Variants in RUBCNL observed in about 807,000 individuals in gnomAD.
The protein encoded by RUBCNL is protein associated with UVRAG as autophagy enhancer.
A neutral mutation model predicts 69.5 loss-of-function variants in RUBCNL; 62 were observed. The ratio of observed to expected loss-of-function variants is 0.89; its 90% confidence interval spans 0.73 to 1.10. RUBCNL has a LOEUF of 1.10. Ranked by LOEUF, RUBCNL falls within the 50% of genes least tolerant of loss-of-function variation. RUBCNL has a pLI of 0.00. For synonymous variants in RUBCNL, 291 were observed against 303.6 expected (o/e 0.96, Z 0.43); for missense variants, 768 against 798.1 (o/e 0.96, Z 0.45).
chr13:46,355,441 C>G (rs2048464171), intron 10 of RUBCNL, among the ~76,000 whole-genome samples: 1 of 151,966 alleles, frequency 6.6e-6, no homozygotes, highest in African/African-American at 2.4e-5. Flanking sequence ...ATTACAGGAG[C>G]CTGCCACCCA....
At chr13:46,367,045 T>G (rs2138780399) in intron 5 of RUBCNL, among the ~76,000 whole-genome samples, 1 of 152,048 alleles carries the variant, frequency 6.6e-6, no homozygotes, top group South Asian at 2.1e-4. Context: ...AAATACAGAT[T>G]AAAAAAAGAA....
chr13:46,356,645 C>G, intron 9 of RUBCNL, 149 bp from the exon 10 acceptor site: 1 of 676,216 alleles, frequency 1.5e-6, no homozygotes, highest in South Asian at 2.0e-5. Context: ...TAGATTTATT[C>G]AATACAATTT....
At position 46,352,768 on chromosome 13, in the gene RUBCNL, C is replaced by T. The variant is rs570642504; in HGVS notation, c.1331-2417G>A. On this transcript the variant is annotated intron_variant, in intron 10 of 14. Coordinates refer to ENST00000429979, the MANE Select transcript of RUBCNL (RefSeq NM_025113.5). ...GCAGTGAGCCAAGATTGCGCCATTGCGCTCCAGCCTGGGTGGGCAACAAGC... is the reference window on the plus strand; with the variant it reads ...GCAGTGAGCCAAGATTGCGCCATTGTGCTCCAGCCTGGGTGGGCAACAAGC... 1.4e-4 allele frequency among the ~76,000 whole-genome samples: 21 copies of T among 152,160 alleles called. No homozygotes were observed. The South Asian group carries it at 4.4e-3, about 32-fold the overall frequency.
chr13:46,372,081 G>C lies in RUBCNL; in HGVS notation c.395C>G (p.Thr132Arg). ...EKSSSFSLSS[T>R]EVHMVRPGYS... ...TCCTGGGCGGACCATGTGTACCTCT[G>C]TTGAGGACAGAGAGAAGCTGCTACT... The change falls in exon 3 of 15, where the codon ACA becomes AGA. Residue 132 changes from threonine (T) to arginine (R), a missense_variant. Thr to Arg is a moderately conservative substitution (Grantham distance 71). Coordinates refer to ENST00000429979, the MANE Select transcript of RUBCNL (RefSeq NM_025113.5). 1 of 1,614,028 alleles carries C rather than the reference G, an allele frequency of 6.2e-7. No individual in the cohort carries two copies. The highest frequency in any genetic ancestry group is 1.3e-5 in the African/African-American group (1 of 75,050).
intron 10 of RUBCNL, among the ~76,000 whole-genome samples, chr13:46,353,907 A>T (rs2048426102): frequency 1.3e-5 from 2 of 152,214 alleles, no homozygotes; most frequent in Admixed American, 1.3e-4. Flanking sequence ...CAATTAATTT[A>T]ATTTTAAATA....
intron 10 of RUBCNL, chr13:46,351,127 A>G (rs569592418): frequency 6.6e-6 from 1 of 151,864 alleles, no homozygotes; most frequent in Non-Finnish European, 1.5e-5. Context: ...TAGCCAGGCA[A>G]TGTGGTGTGT....
chr13:46,335,747 G>A lies in RUBCNL; in HGVS notation c.*7638C>T, dbSNP rs1023609317. ...AAGTTACTGATGGACTGGATCTGGG[G>A]AGTGAGGGAAAGGGAAAGGATGACT... On this transcript the variant is annotated 3_prime_UTR_variant, in exon 15 of 15. Transcript: ENST00000429979. Among the ~76,000 whole-genome samples the A allele has an allele frequency of 5.9e-5, 9 of 152,190 alleles. No homozygotes were observed. Among genetic ancestry groups the A allele is most frequent in the Non-Finnish European group, 1.2e-4 (8 of 68,030 alleles).
At chr13:46,354,813 G>A (rs2048447004) in intron 10 of RUBCNL, 1 of 456,660 alleles carries the variant, frequency 2.2e-6, no homozygotes, top group Non-Finnish European at 4.4e-6. Context: ...GCTCCCTGAG[G>A]GCAAGGCCAC....
At chr13:46,371,824 C>T (rs920849513) in intron 3 of RUBCNL, 117 bp downstream of exon 3, 6 of 1,067,514 alleles carry the variant, frequency 5.6e-6, no homozygotes, top group South Asian at 1.6e-5. Flanking sequence ...GGGCTGCTGA[C>T]AATATTAGAT....
rs2048145193 is a variant in RUBCNL at position 46,341,767 on chromosome 13, AAAG to A, written c.*1615_*1617del. Reference sequence around the variant, plus strand: ...TCCTTTGTCTTGAAAAGACACCACAAAAGAAGCAGGGCCTAAGCATGGGCTTTG... The same window carrying A: ...TCCTTTGTCTTGAAAAGACACCACAAAAGCAGGGCCTAAGCATGGGCTTTG... On this transcript the variant is annotated 3_prime_UTR_variant, in exon 15 of 15. Transcript: ENST00000429979. Among the ~76,000 whole-genome samples, 1 of 152,214 alleles carries A rather than the reference AAAG, an allele frequency of 6.6e-6. No individual in the cohort carries two copies. The highest frequency in any genetic ancestry group is 6.5e-5 in the Admixed American group (1 of 15,276).
Position 46,349,278 on chromosome 13 carries a change from A to C in RUBCNL, c.1631+8T>G, listed in dbSNP as rs746852469. The C allele has an allele frequency of 1.2e-6, 2 of 1,613,070 alleles. No individual in the cohort carries two copies. Among genetic ancestry groups the C allele is most frequent in the Admixed American group, 1.7e-5 (1 of 59,962 alleles). On this transcript the variant is annotated splice_region_variant and intron_variant, in intron 12 of 14. Transcript: ENST00000429979. ...GGGAAGGCAGCCTGTCCCAGCTGAG[A>C]ATAGTACCTGTTAGCAAACCTACAG...
intron 2 of RUBCNL, among the ~76,000 whole-genome samples, chr13:46,377,681 A>G (rs1381983262): frequency 6.6e-6 from 1 of 152,256 alleles, no homozygotes; most frequent in Non-Finnish European, 1.5e-5. Flanking sequence ...CGTCCTCATA[A>G]AAAACAACCG....
chr13:46,376,491 C>A (rs1490479007), intron 2 of RUBCNL, among the ~76,000 whole-genome samples: 16 of 152,156 alleles, frequency 1.1e-4, no homozygotes, highest in Non-Finnish European at 1.5e-4. Flanking sequence ...CCAGAACTCA[C>A]CAGCCCAAGA....
rs2138668623 is a variant in RUBCNL at position 46,344,827 on chromosome 13, C to A, written c.1790G>T (p.Cys597Phe). The A allele has an allele frequency of 6.2e-7, 1 of 1,608,402 alleles. No individual in the cohort carries two copies. Among genetic ancestry groups the A allele is most frequent in the African/African-American group, 1.3e-5 (1 of 74,962 alleles). The change falls in exon 14 of 15, where the codon TGT becomes TTT. Residue 597 changes from cysteine (C) to phenylalanine (F), a missense_variant. Physicochemically the swap from Cys to Phe is radical, Grantham distance 205. Transcript: ENST00000429979. ...SLAHVAGCEL[C>F]QGKGFICEFC... ...TTCACAAATAAAGCCCTTTCCTTGA[C>A]ACAGCTGTAAAAGAAGACATCAAAA...
chr13:46,362,870 A>T lies in RUBCNL; in HGVS notation c.925+245T>A, dbSNP rs74074100. On this transcript the variant is annotated intron_variant, in intron 6 of 14. Transcript: ENST00000429979. ...TAATGAATATCTGCTTTTTCATTCA[A>T]CTCTACAAGTGAGATGAGAGATTAG... Among the ~76,000 whole-genome samples, 620 of 144,164 alleles carry T rather than the reference A, an allele frequency of 4.3e-3. 5 individuals are homozygous for T. Among genetic ancestry groups the T allele is most frequent in the African/African-American group, 0.016 (594 of 38,066 alleles). The allele number at this position is 144,164 out of a possible 152,430, so 94.6% of individuals were successfully genotyped here.
At chr13:46,386,069 A>C (rs552972365) in intron 1 of RUBCNL, among the ~76,000 whole-genome samples, 1 of 152,166 alleles carries the variant, frequency 6.6e-6, no homozygotes, top group Non-Finnish European at 1.5e-5. Context: ...GGCTCCAAAC[A>C]AAGTTCTGTC....
At chr13:46,360,138 T>C (rs1856014644) in intron 8 of RUBCNL, among the ~76,000 whole-genome samples, 1 of 152,078 alleles carries the variant, frequency 6.6e-6, no homozygotes, top group Admixed American at 6.6e-5. Context: ...CTTGTTTTCC[T>C]AGCACTTTGG....
upstream of RUBCNL, chr13:46,387,725 G>T (rs998111840): frequency 1.0e-6 from 1 of 985,496 alleles, no homozygotes; most frequent in African/African-American, 1.7e-5. Context: ...GCTTCACCTG[G>T]AGTCTGAGTC....
chr13:46,335,647 T>C lies in RUBCNL; in HGVS notation c.*7738A>G, dbSNP rs1445102165. ...TAATAGAAGTTCAGGAGAGAGATGG[T>C]GGCTTGTACTGTAATAATGTCAGTG... is the stretch of plus-strand genomic sequence containing the variant. On this transcript the variant is annotated 3_prime_UTR_variant, in exon 15 of 15. Transcript: ENST00000429979. Among the ~76,000 whole-genome samples the C allele has an allele frequency of 6.6e-6, 1 of 152,218 alleles. No individual in the cohort carries two copies. The highest frequency in any genetic ancestry group is 2.4e-5 in the African/African-American group (1 of 41,458).
Sources: allele counts gnomAD v4.1 joint callset (sites outside exome capture counted in the v4.1 genomes callset), GRCh38; gene constraint gnomAD v4.1.1; transcripts MANE v1.5; gene names NCBI Gene and HGNC (gene_info 2026-07-23, HGNC 2026-07-21).